The following RALGAPA1 variants were observed in gnomAD, a reference collection of about 807,000 sequenced individuals.
RALGAPA1 encodes the protein Ral GTPase activating protein catalytic subunit alpha 1.
A neutral mutation model predicts 269.6 loss-of-function variants in RALGAPA1; 52 were observed. The ratio of observed to expected loss-of-function variants is 0.19; its 90% confidence interval spans 0.15 to 0.24. The LOEUF is 0.24. Ranked by LOEUF, RALGAPA1 falls within the 10% of genes least tolerant of loss-of-function variation. The pLI is 1.00. For synonymous variants in RALGAPA1, 817 were observed against 1,008.3 expected (o/e 0.81, Z 3.60); for missense variants, 1,917 against 3,013.9 (o/e 0.64, Z 8.52).
At chr14:35,668,015 C>T (rs544976688) in intron 26 of RALGAPA1, among the ~76,000 whole-genome samples, 2 of 152,246 alleles carry the variant, frequency 1.3e-5, no homozygotes, top group South Asian at 2.1e-4. Context: ...ATGGGTAGAA[C>T]TGGAGAACAT....
chr14:35,791,891 C>G (rs1287486589), intron 1 of RALGAPA1, among the ~76,000 whole-genome samples: 2 of 110,150 alleles, frequency 1.8e-5, no homozygotes, highest in African/African-American at 3.8e-5. Flanking sequence ...GCCGACAGAG[C>G]GAGACTCTGT....
At position 35,709,171 on chromosome 14, in the gene RALGAPA1, T is replaced by A. The variant is rs573516900; in HGVS notation, c.2267-8869A>T. Among the ~76,000 whole-genome samples the A allele has an allele frequency of 4.6e-5, 7 of 152,146 alleles. No individual in the cohort carries two copies. The South Asian group carries it at 1.0e-3, about 23-fold the overall frequency. ...CCTAGTATTTGCTAGTACAACAGGGTGACTATAGCAAAAAATAATTTAATT... is the reference window on the plus strand; with the variant it reads ...CCTAGTATTTGCTAGTACAACAGGGAGACTATAGCAAAAAATAATTTAATT... On this transcript the variant is annotated intron_variant, in intron 16 of 41. Transcript: ENST00000680220.
chr14:35,636,622 G>A (rs920888994), intron 31 of RALGAPA1, among the ~76,000 whole-genome samples: 1 of 152,184 alleles, frequency 6.6e-6, no homozygotes, highest in African/African-American at 2.4e-5. Flanking sequence ...CTGGGTTCAA[G>A]TGATTCTTGC....
chr14:35,624,962 G>A (rs1343638654), intron 35 of RALGAPA1, among the ~76,000 whole-genome samples: 4 of 151,780 alleles, frequency 2.6e-5, no homozygotes, highest in African/African-American at 4.8e-5. Flanking sequence ...AGGCCGAGGC[G>A]GGCAGATCAC....
In RALGAPA1 at chr14:35,654,451, T is replaced by C. The variant is rs1269304450; in HGVS notation, c.5523A>G (p.Val1841=). 3 of 1,602,470 alleles carry C rather than the reference T, an allele frequency of 1.9e-6. No homozygotes were observed. The highest frequency in any genetic ancestry group is 2.7e-5 in the African/African-American group (2 of 74,346). ...LKFTNKTVAH[V]ACNMLHMLVH... is the part of the protein sequence containing the mutation. The stretch of plus-strand genomic sequence containing the variant: ...CCAGCATGTGAAGCATGTTACAAGC[T>C]ACGTGGGCTACTGTTTTATTAGTAA... The change falls in exon 30 of 42, where the codon GTA becomes GTG. Residue 1841 remains valine, a synonymous_variant. Coordinates refer to ENST00000680220, the MANE Select transcript of RALGAPA1 (RefSeq NM_001346249.2).
At chr14:35,658,975 C>A (rs2063371210) in intron 28 of RALGAPA1, among the ~76,000 whole-genome samples, 163 bp downstream of exon 28, 1 of 151,864 alleles carries the variant, frequency 6.6e-6, no homozygotes, top group African/African-American at 2.4e-5. Context: ...GTATTTAAAT[C>A]ATGAAAAAAA....
chr14:35,773,821 T>C (rs546538949), intron 3 of RALGAPA1, among the ~76,000 whole-genome samples: 12 of 152,220 alleles, frequency 7.9e-5, no homozygotes, highest in Non-Finnish European at 1.3e-4. Context: ...AATTCTTTTT[T>C]TCCCCCCTTA....
intron 39 of RALGAPA1, among the ~76,000 whole-genome samples, chr14:35,558,091 T>C (rs1009088860): frequency 6.6e-6 from 1 of 151,990 alleles, no homozygotes; most frequent in African/African-American, 2.4e-5. Flanking sequence ...TATCAGCGCA[T>C]ACAATATTTC....
intron 1 of RALGAPA1, among the ~76,000 whole-genome samples, chr14:35,778,341 A>G (rs1017796049): frequency 1.3e-5 from 2 of 152,112 alleles, no homozygotes; most frequent in Non-Finnish European, 2.9e-5. Flanking sequence ...TAGCCACAAC[A>G]CCTGGCATAG....
At chr14:35,541,877 G>A (rs1452598958) in intron 41 of RALGAPA1, 9 of 472,038 alleles carry the variant, frequency 1.9e-5, no homozygotes, top group Non-Finnish European at 3.3e-5. Flanking sequence ...TAACAGATAT[G>A]AGAGACACAG....
chr14:35,623,915 T>C (rs2060813167), intron 35 of RALGAPA1, among the ~76,000 whole-genome samples: 1 of 151,930 alleles, frequency 6.6e-6, no homozygotes, highest in Non-Finnish European at 1.5e-5. Context: ...CTGTTTCTAC[T>C]AAAAATACAA....
intron 6 of RALGAPA1, among the ~76,000 whole-genome samples, chr14:35,757,990 T>C (rs2073337192): frequency 6.6e-6 from 1 of 152,170 alleles, no homozygotes; most frequent in South Asian, 2.1e-4. Flanking sequence ...GGCTCACGCC[T>C]ATAATCCCAA....
intron 1 of RALGAPA1, among the ~76,000 whole-genome samples, chr14:35,785,920 G>C (rs2075761493): frequency 6.6e-6 from 1 of 152,134 alleles, no homozygotes; most frequent in African/African-American, 2.4e-5. Context: ...GCTTATGCCT[G>C]ATACCAGCAC....
intron 36 of RALGAPA1, among the ~76,000 whole-genome samples, chr14:35,602,339 G>A (rs1203170084): frequency 1.3e-5 from 2 of 152,120 alleles, no homozygotes; most frequent in East Asian, 3.9e-4. Flanking sequence ...TTTGGGGGTA[G>A]AACTGTTTGG....
At chr14:35,571,679 C>A (rs578243368) in intron 38 of RALGAPA1, among the ~76,000 whole-genome samples, 46 of 152,040 alleles carry the variant, frequency 3.0e-4, no homozygotes, top group African/African-American at 1.1e-3. Flanking sequence ...GACTCCGTCT[C>A]AAAAAAACCA....
chr14:35,583,236 T>G (rs1277378105), intron 37 of RALGAPA1, among the ~76,000 whole-genome samples: 1 of 151,874 alleles, frequency 6.6e-6, no homozygotes, highest in Non-Finnish European at 1.5e-5. Flanking sequence ...AGATGGACAA[T>G]GTATGTAGAG....
intron 35 of RALGAPA1, among the ~76,000 whole-genome samples, chr14:35,622,077 C>A (rs555833068): frequency 2.6e-5 from 4 of 152,048 alleles, no homozygotes; most frequent in African/African-American, 4.8e-5. Context: ...ATGTTTACTG[C>A]GGCACTATTC....
At chr14:35,735,456 G>C (rs1447118207) in intron 12 of RALGAPA1, among the ~76,000 whole-genome samples, 1 of 152,174 alleles carries the variant, frequency 6.6e-6, no homozygotes, top group Non-Finnish European at 1.5e-5. Flanking sequence ...AAGTAACTCA[G>C]GAATAGAAAA....
At chr14:35,741,241 T>G (rs771474522) in intron 11 of RALGAPA1, among the ~76,000 whole-genome samples, 50 of 152,136 alleles carry the variant, frequency 3.3e-4, no homozygotes, top group Non-Finnish European at 5.7e-4. Flanking sequence ...ACTAAAAAAG[T>G]CAGAGAAAAC....
Sources: allele counts gnomAD v4.1 joint callset (sites outside exome capture counted in the v4.1 genomes callset), GRCh38; gene constraint gnomAD v4.1.1; transcripts MANE v1.5; gene names NCBI Gene and HGNC (gene_info 2026-07-23, HGNC 2026-07-21).